The following ZNF578 variants were observed in gnomAD, a reference collection of about 807,000 sequenced individuals.
ZNF578 encodes the protein Putative chemokine-related protein B42.
ZNF578 carries 8 observed loss-of-function variants against 8.3 expected under a neutral mutation model. That is an observed-to-expected ratio of 0.96 (90% CI 0.56 to 1.74). The LOEUF is 1.74. Ranked by LOEUF, ZNF578 falls within the 40% of genes most tolerant of loss-of-function variation. The pLI is 0.00. For missense variants in ZNF578, 726 were observed against 707.5 expected (o/e 1.03, Z -0.30); for synonymous variants, 206 against 232.2 (o/e 0.89, Z 1.03).
intron 5 of ZNF578, among the ~76,000 whole-genome samples, chr19:52,506,974 C>T (rs2122969904): frequency 6.6e-6 from 1 of 152,242 alleles, no homozygotes; most frequent in East Asian, 1.9e-4. Flanking sequence ...TTAGACTGGC[C>T]AGCCGCAGTG....
At chr19:52,485,468 G>C (rs931249170) in intron 2 of ZNF578, among the ~76,000 whole-genome samples, 1 of 152,214 alleles carries the variant, frequency 6.6e-6, no homozygotes, top group Non-Finnish European at 1.5e-5. Flanking sequence ...ATTGAGCATC[G>C]AAGCTCTGTG....
chr19:52,474,374 G>C, intron 2 of ZNF578: 1 of 286,278 alleles, frequency 3.5e-6, no homozygotes, highest in Non-Finnish European at 7.2e-6. Flanking sequence ...TGAACTGTGA[G>C]TAAAGACCTT....
chr19:52,475,520 C>G (rs2059305619), intron 2 of ZNF578, among the ~76,000 whole-genome samples: 1 of 152,050 alleles, frequency 6.6e-6, no homozygotes, highest in Non-Finnish European at 1.5e-5. Flanking sequence ...CCACGCCCAG[C>G]TAATTTTTTT....
At chr19:52,476,161 A>T (rs2059307825) in intron 2 of ZNF578, among the ~76,000 whole-genome samples, 1 of 152,016 alleles carries the variant, frequency 6.6e-6, no homozygotes, top group South Asian at 2.1e-4. Context: ...AGTATCTTGG[A>T]ATGGCTGCTG....
At position 52,513,750 on chromosome 19, in the gene ZNF578, A is replaced by T. The variant is rs1456099349; in HGVS notation, c.*1596A>T. Among the ~76,000 whole-genome samples, 1 of 146,222 alleles carries T rather than the reference A, an allele frequency of 6.8e-6. No individual in the cohort carries two copies. Among genetic ancestry groups the T allele is most frequent in the Non-Finnish European group, 1.5e-5 (1 of 66,072 alleles). ...GTCTCAAAAAAAAAAAAAAAAAGAT[A>T]TCAAACCCGGGGTGTCTCATCCCAC... On this transcript the variant is annotated 3_prime_UTR_variant, in exon 6 of 6. Coordinates refer to ENST00000421239, the MANE Select transcript of ZNF578 (RefSeq NM_001099694.2).
chr19:52,477,091 C>T (rs990675646), intron 2 of ZNF578, among the ~76,000 whole-genome samples: 1 of 152,184 alleles, frequency 6.6e-6, no homozygotes, highest in African/African-American at 2.4e-5. Flanking sequence ...TAATTGGAGT[C>T]AACTACTCCA....
intron 2 of ZNF578, among the ~76,000 whole-genome samples, chr19:52,466,072 G>C (rs889177647): frequency 2.0e-5 from 3 of 152,226 alleles, no homozygotes; most frequent in African/African-American, 7.2e-5. Flanking sequence ...CTGATCTCTG[G>C]TCTCCACACT....
At chr19:52,487,417 TACAC>T (rs1358845464) in intron 2 of ZNF578, among the ~76,000 whole-genome samples, 1 of 152,188 alleles carries the variant, frequency 6.6e-6, no homozygotes, top group Non-Finnish European at 1.5e-5. Context: ...AACTTGTTTA[TACAC>T]ATCAGATTGA....
At chr19:52,510,493 A>C (rs1268162139) in intron 5 of ZNF578, 79 bp from the exon 6 acceptor site, 3 of 1,391,394 alleles carry the variant, frequency 2.2e-6, no homozygotes, top group Non-Finnish European at 2.8e-6. Context: ...AGTATTTTTT[A>C]TTGTGTCATA....
At chr19:52,506,626 C>T (rs1273904727) in intron 5 of ZNF578, among the ~76,000 whole-genome samples, 2 of 152,074 alleles carry the variant, frequency 1.3e-5, no homozygotes, top group African/African-American at 2.4e-5. Context: ...CCACCATGCC[C>T]GGCTAATACT....
rs201809901 is a variant in ZNF578, at chr19:52,513,324, GTTTC to G, written c.*1173_*1176del. ...GGCATATGCCACCGCGCCTGGCATTGTTTCTTCTTTTCCTTTTTTTTTTTTTTTT... is the reference window on the plus strand; with the variant it reads ...GGCATATGCCACCGCGCCTGGCATTGTTCTTTTCCTTTTTTTTTTTTTTTT... On this transcript the variant is annotated 3_prime_UTR_variant, in exon 6 of 6. Coordinates refer to ENST00000421239, the MANE Select transcript of ZNF578 (RefSeq NM_001099694.2). Among the ~76,000 whole-genome samples the G allele has an allele frequency of 0.023, 2,340 of 99,724 alleles. 60 individuals carry two copies. The highest frequency in any genetic ancestry group is 0.067 in the African/African-American group (1,955 of 29,208). 65.4% of individuals were successfully genotyped at this position (99,724 alleles called of 152,430 possible).
chr19:52,480,855 C>T (rs928346414), intron 2 of ZNF578, among the ~76,000 whole-genome samples: 4 of 150,808 alleles, frequency 2.7e-5, no homozygotes, highest in Admixed American at 2.6e-4. Context: ...GTGATCACGC[C>T]ACCGCACCCC....
intron 5 of ZNF578, among the ~76,000 whole-genome samples, chr19:52,505,551 A>C (rs1164912832): frequency 6.7e-6 from 1 of 149,726 alleles, no homozygotes; most frequent in African/African-American, 2.5e-5. Flanking sequence ...CCTCCTGAGT[A>C]GCTGGGATTA....
chr19:52,516,617 TTG>T lies in ZNF578; in HGVS notation c.*4466_*4467del, dbSNP rs1278304400. Among the ~76,000 whole-genome samples, 2 of 152,184 alleles carry T rather than the reference TTG, an allele frequency of 1.3e-5. No individual in the cohort carries two copies. Among genetic ancestry groups the T allele is most frequent in the Non-Finnish European group, 2.9e-5 (2 of 68,028 alleles). ...ACCCTTAAGTGATGACATTCCACCA[TTG>T]TGATTTATTTCTGCACCATCTTGAC... On this transcript the variant is annotated 3_prime_UTR_variant, in exon 6 of 6. Transcript: ENST00000421239.
chr19:52,456,464 G>C (rs563293969), intron 1 of ZNF578: 1 of 152,448 alleles, frequency 6.6e-6, no homozygotes, highest in East Asian at 1.9e-4. Context: ...ACATCAGGGT[G>C]CTGTGTCTTC....
At chr19:52,476,094 T>C (rs957739771) in intron 2 of ZNF578, among the ~76,000 whole-genome samples, 1 of 149,680 alleles carries the variant, frequency 6.7e-6, no homozygotes, top group African/African-American at 2.5e-5. Context: ...ATCCTTCTTA[T>C]GTAAGGGTAT....
intron 3 of ZNF578, among the ~76,000 whole-genome samples, chr19:52,494,022 A>T (rs1418569559): frequency 6.6e-6 from 1 of 150,836 alleles, no homozygotes; most frequent in Non-Finnish European, 1.5e-5. Flanking sequence ...AGTTGTGAGG[A>T]TGGAGCAGAA....
chr19:52,499,010 A>T (rs1282991463), intron 3 of ZNF578, among the ~76,000 whole-genome samples: 1 of 152,118 alleles, frequency 6.6e-6, no homozygotes, highest in Non-Finnish European at 1.5e-5. Flanking sequence ...GAGGAGGAAG[A>T]CCAAGGCAGC....
intron 4 of ZNF578, among the ~76,000 whole-genome samples, chr19:52,503,050 C>G (rs376153706): frequency 2.6e-5 from 4 of 152,176 alleles, no homozygotes; most frequent in Admixed American, 2.6e-4. Flanking sequence ...CACCACCACA[C>G]CCAGCTAGTT....
Sources: gnomAD v4.1 joint callset for allele counts (sites outside exome capture counted in the v4.1 genomes callset) on GRCh38, gnomAD v4.1.1 for gene constraint, MANE v1.5 for transcripts, NCBI Gene and HGNC (gene_info 2026-07-23, HGNC 2026-07-21) for gene names.